Variants in ZNF385D observed in about 807,000 individuals in gnomAD.
ZNF385D encodes the protein zinc finger protein 385D.
A neutral mutation model predicts 35.8 loss-of-function variants in ZNF385D; 15 were observed. That is an observed-to-expected ratio of 0.42 (90% CI 0.28 to 0.64). The LOEUF is 0.64. ZNF385D is among the 30% of genes least tolerant of loss of function. The probability of loss-of-function intolerance (pLI) is 0.23; values close to 1 mark genes in which losing one functional copy is unlikely to be tolerated. For synonymous variants in ZNF385D, 212 were observed against 186.8 expected, an observed-to-expected ratio of 1.13 and a Z score of -1.10; for missense variants, 474 against 494.6, an observed-to-expected ratio of 0.96 and a Z score of 0.39.
At chr3:22,298,050 A>G (rs17374400) in intron 2 of ZNF385D, among the ~76,000 whole-genome samples, 28,926 of 151,990 alleles carry the variant, frequency 0.19, 2,950 homozygotes, top group South Asian at 0.28. Context: ...AGGGAAGAGT[A>G]TGTTTCAGAA....
intron 3 of ZNF385D, among the ~76,000 whole-genome samples, chr3:21,982,878 T>C (rs1274959635): frequency 1.3e-5 from 2 of 152,144 alleles, no homozygotes; most frequent in African/African-American, 2.4e-5. Flanking sequence ...GTTCTGTTTT[T>C]GTGATGAATC....
At position 21,940,805 on chromosome 3, in the gene ZNF385D, TA is replaced by T. The variant is rs1348300470; in HGVS notation, c.325+228011del. ...TTATTTTTAAGGAAGAAAATATATG[TA>T]AAAATATGCTGCATAAAATATTTAT... On this transcript the variant is annotated intron_variant, in intron 3 of 5. Transcript: ENST00000494108. Among the ~76,000 whole-genome samples the T allele has an allele frequency of 2.6e-5, 4 of 152,302 alleles. No homozygotes were observed. In the South Asian group the frequency reaches 8.3e-4, roughly 32 times the overall value.
chr3:21,812,735 G>GGCCT (rs1402488814), intron 3 of ZNF385D, among the ~76,000 whole-genome samples: 4 of 152,234 alleles, frequency 2.6e-5, no homozygotes, highest in African/African-American at 4.8e-5. Context: ...AGCTCAAGGA[G>GGCCT]GCCTGCCTGC....
At chr3:21,442,996 C>A (rs1701944261) in intron 4 of ZNF385D, among the ~76,000 whole-genome samples, 1 of 151,624 alleles carries the variant, frequency 6.6e-6, no homozygotes, top group African/African-American at 2.4e-5. Flanking sequence ...ACACATTTGG[C>A]CACCCCAAAT....
intron 3 of ZNF385D, among the ~76,000 whole-genome samples, chr3:21,548,589 T>C (rs936571379): frequency 2.0e-5 from 3 of 152,238 alleles, no homozygotes; most frequent in African/African-American, 7.2e-5. Context: ...CCTTCCATAC[T>C]TACGGTATTA....
intron 2 of ZNF385D, among the ~76,000 whole-genome samples, chr3:22,187,733 A>G (rs1395523460): frequency 1.3e-5 from 2 of 152,184 alleles, no homozygotes; most frequent in African/African-American, 2.4e-5. Context: ...CTTGTGGAGT[A>G]AAATAGCAAA....
In ZNF385D at chr3:22,123,958, CTCTCTATA is replaced by C. The variant is rs1266980261; in HGVS notation, c.325+44851_325+44858del. On this transcript the variant is annotated intron_variant, in intron 3 of 5. Transcript: ENST00000494108. Reference sequence around the variant, plus strand: ...TCTCTCTCTCTCTCTCTCTCTCTCTCTCTCTATATATATATATATATATATATATATTG... The same window carrying C: ...TCTCTCTCTCTCTCTCTCTCTCTCTCTATATATATATATATATATATATTG... Among the ~76,000 whole-genome samples the C allele has an allele frequency of 4.4e-3, 349 of 79,680 alleles. 2 individuals carry two copies. Among genetic ancestry groups the C allele is most frequent in the East Asian group, 0.012 (36 of 3,106 alleles). The allele number at this position is 79,680 out of a possible 152,430, so 52.3% of individuals were successfully genotyped here.
intron 3 of ZNF385D, among the ~76,000 whole-genome samples, chr3:22,161,460 G>C (rs1032971849): frequency 2.6e-5 from 4 of 151,856 alleles, no homozygotes; most frequent in Admixed American, 6.6e-5. Flanking sequence ...AAAATCAAAG[G>C]CCTTTTTAAA....
intron 3 of ZNF385D, among the ~76,000 whole-genome samples, chr3:22,091,919 T>G (rs1006302818): frequency 6.6e-6 from 1 of 152,198 alleles, no homozygotes; most frequent in Non-Finnish European, 1.5e-5. Flanking sequence ...TGGTGGAATT[T>G]GAGGAGTAAT....
intron 3 of ZNF385D, among the ~76,000 whole-genome samples, chr3:21,541,388 T>A (rs1165376270): frequency 6.6e-6 from 1 of 152,132 alleles, no homozygotes. Context: ...AAAATAAAGT[T>A]CATTTTTTCT....
intron 2 of ZNF385D, among the ~76,000 whole-genome samples, chr3:21,633,089 GA>G (rs916687658): frequency 6.6e-6 from 1 of 151,982 alleles, no homozygotes; most frequent in African/African-American, 2.4e-5. Context: ...AGATTTAACA[GA>G]AAAAATTATC....
intron 2 of ZNF385D, among the ~76,000 whole-genome samples, chr3:22,321,600 C>T (rs1575115140): frequency 6.6e-6 from 1 of 151,972 alleles, no homozygotes; most frequent in East Asian, 1.9e-4. Flanking sequence ...CTCCTGACCT[C>T]GTGATCCACT....
In ZNF385D at chr3:21,619,413, CGT is replaced by C. The variant is rs10594035; in HGVS notation, c.165+45471_165+45472del. On this transcript the variant is annotated intron_variant, in intron 2 of 7. Transcript: ENST00000281523. ...TTTCTTAGTTGTCATCGTGTGTGTG[CGT>C]GTGTGTGTGTGTGTGTGTGTGTGTC... Among the ~76,000 whole-genome samples the C allele has an allele frequency of 3.2e-3, 473 of 147,120 alleles. 3 individuals carry two copies. The highest frequency in any genetic ancestry group is 0.01 in the South Asian group (46 of 4,556).
At chr3:22,228,322 G>A (rs994390283) in intron 2 of ZNF385D, among the ~76,000 whole-genome samples, 1 of 152,070 alleles carries the variant, frequency 6.6e-6, no homozygotes, top group Non-Finnish European at 1.5e-5. Flanking sequence ...ACCTTATGTG[G>A]GACTGCCACC....
intron 2 of ZNF385D, among the ~76,000 whole-genome samples, chr3:21,566,860 C>T (rs1205915506): frequency 1.3e-5 from 2 of 152,152 alleles, no homozygotes; most frequent in Non-Finnish European, 2.9e-5. Context: ...CTCCTCCTCC[C>T]AGACCCTGAA....
intron 2 of ZNF385D, among the ~76,000 whole-genome samples, chr3:22,341,283 C>T (rs938969564): frequency 6.6e-6 from 1 of 152,174 alleles, no homozygotes; most frequent in African/African-American, 2.4e-5. Flanking sequence ...GCTAAATGTG[C>T]CTGCCACCTG....
intron 3 of ZNF385D, among the ~76,000 whole-genome samples, chr3:21,803,187 C>T (rs563585698): frequency 8.5e-5 from 13 of 152,212 alleles, no homozygotes; most frequent in Non-Finnish European, 1.9e-4. Flanking sequence ...CTCCAGGAAC[C>T]TAAGGGTAGT....
chr3:22,072,969 G>A (rs1160215882), intron 3 of ZNF385D, among the ~76,000 whole-genome samples: 4 of 151,910 alleles, frequency 2.6e-5, no homozygotes, highest in Non-Finnish European at 5.9e-5. Context: ...CACCTTGACT[G>A]GATTGCCTCT....
intron 3 of ZNF385D, among the ~76,000 whole-genome samples, chr3:21,926,065 T>C (rs1005216151): frequency 9.2e-5 from 14 of 152,160 alleles, no homozygotes; most frequent in African/African-American, 3.4e-4. Flanking sequence ...TGAAAACTTT[T>C]GGAAATTTTT....
Sources: allele counts gnomAD v4.1 joint callset (sites outside exome capture counted in the v4.1 genomes callset), GRCh38; gene constraint gnomAD v4.1.1; transcripts MANE v1.5; gene names NCBI Gene and HGNC (gene_info 2026-07-23, HGNC 2026-07-21).